The following IGDCC4 variants were observed in gnomAD, a reference collection of about 807,000 sequenced individuals.
IGDCC4 encodes the protein likely ortholog of mouse neighbor of Punc E11.
IGDCC4 carries 72 observed loss-of-function variants against 116.6 expected under a neutral mutation model. The observed-to-expected ratio is 0.62, with a 90% CI of 0.51 to 0.75. IGDCC4 has a LOEUF of 0.75. IGDCC4 is among the 30% of genes least tolerant of loss of function. The pLI is 0.00. For synonymous variants in IGDCC4, 709 were observed against 719.9 expected, an observed-to-expected ratio of 0.98 and a Z score of 0.24; for missense variants, 1,501 against 1,662.4, an observed-to-expected ratio of 0.90 and a Z score of 1.69.
Position 65,384,748 on chromosome 15 carries a change from C to T in IGDCC4, c.3342+206G>A, listed in dbSNP as rs1018202432. The stretch of plus-strand genomic sequence containing the variant: ...CACTTAGGTCTGGGTAGAGGAGGGG[C>T]TGTTTTCAACCCAGGTTGAAACAGG... On this transcript the variant is annotated intron_variant, in intron 19 of 19. Transcript: ENST00000352385. This position sits in a 1 kb window ranked among gnomAD's most constrained non-coding sequence, Gnocchi z 4.9. The T allele has an allele frequency of 6.3e-6, 4 of 633,008 alleles. No individual in the cohort carries two copies. Among genetic ancestry groups the T allele is most frequent in the Admixed American group, 3.5e-5 (1 of 28,958 alleles). The allele number at this position is 633,008 out of a possible 1,614,324, so 39.2% of individuals were successfully genotyped here.
At chr15:65,396,268 T>G (rs2140208156) in intron 6 of IGDCC4, 105 bp from the exon 7 acceptor site, 1 of 1,011,678 alleles carries the variant, frequency 9.9e-7, no homozygotes. Flanking sequence ...CTCGCTCCCC[T>G]TCCAATCACT....
chr15:65,406,665 T>C (rs1285904594), intron 3 of IGDCC4, among the ~76,000 whole-genome samples: 1 of 152,228 alleles, frequency 6.6e-6, no homozygotes, highest in Non-Finnish European at 1.5e-5. Flanking sequence ...TAAAAATACA[T>C]ACCTTGGGCA....
At chr15:65,385,321 G>A (rs1306404375) in intron 18 of IGDCC4, 2 of 591,336 alleles carry the variant, frequency 3.4e-6, no homozygotes, top group Non-Finnish European at 5.8e-6. Context: ...CTCCTGCAGA[G>A]GAGCGGAACA....
intron 1 of IGDCC4, among the ~76,000 whole-genome samples, chr15:65,419,100 T>G (rs2063168195): frequency 6.6e-6 from 1 of 151,968 alleles, no homozygotes; most frequent in Admixed American, 6.6e-5. Flanking sequence ...TTGCCCAGGG[T>G]GGAGAACAGT....
At position 65,388,444 on chromosome 15, in the gene IGDCC4, C is replaced by T. The variant is rs1330274166; in HGVS notation, c.2845+5G>A. On this transcript the variant is annotated splice_donor_5th_base_variant and intron_variant, in intron 16 of 19. Coordinates refer to ENST00000352385, the MANE Select transcript of IGDCC4 (RefSeq NM_020962.3). ...AGGGAAACCTGGGCTGCCCTGTGCT[C>T]ATACCTGACAGCTTCTCCTGGAGCG... The T allele has an allele frequency of 1.2e-6, 2 of 1,614,104 alleles. No individual in the cohort carries two copies. The highest frequency in any genetic ancestry group is 1.7e-5 in the Admixed American group (1 of 60,026).
intron 1 of IGDCC4, among the ~76,000 whole-genome samples, chr15:65,413,325 C>A (rs2063115502): frequency 6.6e-6 from 1 of 152,072 alleles, no homozygotes; most frequent in Non-Finnish European, 1.5e-5. Flanking sequence ...CTCAACACTC[C>A]CTGCAGCTAA....
chr15:65,403,746 G>A (rs547426660), intron 3 of IGDCC4, among the ~76,000 whole-genome samples: 88 of 152,292 alleles, frequency 5.8e-4, no homozygotes, highest in Middle Eastern at 3.4e-3. Context: ...CAGCCAACAC[G>A]TATGTTACTT....
Position 65,392,146 on chromosome 15 carries a change from G to C in IGDCC4, c.2110C>G (p.Leu704Val), listed in dbSNP as rs572310163. 1.2e-5 allele frequency: 19 copies of C among 1,608,344 alleles called. No individual in the cohort carries two copies. In the African/African-American group the frequency reaches 2.3e-4, roughly 19 times the overall value. Residue 704 changes from leucine to valine, a missense_variant, in exon 11 of 20, where the codon CTG becomes GTG. Leu to Val is a conservative substitution (Grantham distance 32). Transcript: ENST00000352385. The part of the protein sequence containing the change: ...RLKKKVKQYE[L>V]TQLVPGRLYE... Reference sequence around the variant, plus strand: ...CAGCCCTCCTCACCTAGCTGGGTCAGCTCATACTGCTTCACTTTCTTCTTG... The same window carrying C: ...CAGCCCTCCTCACCTAGCTGGGTCACCTCATACTGCTTCACTTTCTTCTTG...
intron 14 of IGDCC4, 125 bp downstream of exon 14, chr15:65,389,159 C>A: frequency 1.5e-6 from 2 of 1,373,908 alleles, no homozygotes; most frequent in East Asian, 2.4e-5. Flanking sequence ...TTCCTCCCCT[C>A]CCAGAAACTC....
rs575400979 is a variant in IGDCC4 at position 65,417,859 on chromosome 15, G to T, written c.70+4934C>A. On this transcript the variant is annotated intron_variant, in intron 1 of 19. Coordinates refer to ENST00000352385, the MANE Select transcript of IGDCC4 (RefSeq NM_020962.3). Reference sequence around the variant, plus strand: ...GATCCGCCCACCTTGGCCTCCCAAAGTGCTGGGATTACAGGAGTGAGCCAC... The same window carrying T: ...GATCCGCCCACCTTGGCCTCCCAAATTGCTGGGATTACAGGAGTGAGCCAC... Among the ~76,000 whole-genome samples, 321 of 152,272 alleles carry T rather than the reference G, an allele frequency of 2.1e-3. 1 individual carries two copies. The highest frequency in any genetic ancestry group is 3.9e-3 in the Non-Finnish European group (262 of 68,008).
In IGDCC4 at chr15:65,411,460, C is replaced by T. The variant is rs1017871381; in HGVS notation, c.71-90G>A. 22 of 1,125,842 alleles carry T rather than the reference C, an allele frequency of 2.0e-5. No homozygotes were observed. The African/African-American group carries it at 3.0e-4, about 15-fold the overall frequency. 69.7% of individuals were successfully genotyped at this position (1,125,842 alleles called of 1,614,324 possible). ...TGAGTCACCCATGCAGGGGCTGGGG[C>T]AAATCAAGGAGAAACACCTGCATCT... On this transcript the variant is annotated intron_variant, in intron 1 of 19. Transcript: ENST00000352385.
At position 65,410,290 on chromosome 15, in the gene IGDCC4, A is replaced by T; in HGVS notation, c.451T>A (p.Ser151Thr). The T allele has an allele frequency of 6.2e-7, 1 of 1,613,944 alleles. No individual in the cohort carries two copies. Among genetic ancestry groups the T allele is most frequent in the Non-Finnish European group, 8.5e-7 (1 of 1,180,012 alleles). The change falls in exon 3 of 20, where the codon TCT becomes ACT. Residue 151 changes from serine (S) to threonine (T), a missense_variant. By Grantham distance (58) the Ser-to-Thr change is moderately conservative. Transcript: ENST00000352385. ...GTCCCGTTCTCCTCCACCGTCTGAG[A>T]CTCCGGGTGCAGAGAGAAGTCTGCG... The part of the protein sequence containing the change: ...TLADFSLHPE[S>T]QTVEENGTAR...
chr15:65,405,999 G>A (rs2063038111), intron 3 of IGDCC4, among the ~76,000 whole-genome samples: 1 of 152,130 alleles, frequency 6.6e-6, no homozygotes, highest in Admixed American at 6.5e-5. Flanking sequence ...ATCCACCCAG[G>A]GCAAGGGGAT....
intron 1 of IGDCC4, among the ~76,000 whole-genome samples, chr15:65,416,991 G>A (rs1282251945): frequency 6.6e-6 from 1 of 151,926 alleles, no homozygotes; most frequent in Non-Finnish European, 1.5e-5. Flanking sequence ...CTTAGGGAAG[G>A]GGCGTGTAGC....
chr15:65,397,674 A>C (rs1040186244), intron 5 of IGDCC4, among the ~76,000 whole-genome samples: 14 of 152,128 alleles, frequency 9.2e-5, no homozygotes, highest in Non-Finnish European at 1.5e-4. Context: ...TATAAAAAAA[A>C]AAAAAAAAAG....
rs1284148650 is a variant in IGDCC4 at position 65,388,893 on chromosome 15, G to A, written c.2622C>T (p.Pro874=). The A allele has an allele frequency of 1.2e-6, 2 of 1,613,840 alleles. No individual in the cohort carries two copies. Among genetic ancestry groups the A allele is most frequent in the Non-Finnish European group, 1.7e-6 (2 of 1,180,008 alleles). The change falls in exon 15 of 20, where the codon CCC becomes CCT. Residue 874 remains proline (P), a synonymous_variant. Transcript: ENST00000352385. ...TCAGATACTCCACGATCTCCCCGTT[G>A]GGCTCTGTGGGGGGGCACCAGTGCA... The part of the protein sequence containing the change: ...VRLHWCPPTE[P]NGEIVEYLIL...
intron 1 of IGDCC4, among the ~76,000 whole-genome samples, chr15:65,416,338 C>T (rs1031574539): frequency 6.6e-6 from 1 of 151,870 alleles, no homozygotes; most frequent in Admixed American, 6.6e-5. Flanking sequence ...GGGGTTTCAC[C>T]GTGTTAGCCA....
In IGDCC4 at chr15:65,386,634, G is replaced by A; in HGVS notation, c.2868C>T (p.Val956=). The change falls in exon 17 of 20, where the codon GTC becomes GTT. Residue 956 remains valine, a synonymous_variant. Coordinates refer to ENST00000352385, the MANE Select transcript of IGDCC4 (RefSeq NM_020962.3). ...KLSDSLDMHS[V]TGIIVGVCLG... Reference sequence around the variant, plus strand: ...GGCAGACACCCACGATGATGCCCGTGACTGAGTGCATGTCCAGCGAGTCTG... The same window carrying A: ...GGCAGACACCCACGATGATGCCCGTAACTGAGTGCATGTCCAGCGAGTCTG... The A allele has an allele frequency of 6.2e-7, 1 of 1,612,318 alleles. No homozygotes were observed. Among genetic ancestry groups the A allele is most frequent in the East Asian group, 2.2e-5 (1 of 44,864 alleles).
chr15:65,398,653 CGGATCACGAGGTT>C (rs1459039902), intron 5 of IGDCC4, among the ~76,000 whole-genome samples: 5 of 151,172 alleles, frequency 3.3e-5, no homozygotes, highest in African/African-American at 7.3e-5. Flanking sequence ...CCAAGGTGGG[CGGATCACGAGGTT>C]GGATCACGAG....
Sources: gnomAD v4.1 joint callset for allele counts (sites outside exome capture counted in the v4.1 genomes callset) on GRCh38, gnomAD v4.1.1 for gene constraint, Gnocchi (gnomAD v3.1) non-coding constraint, MANE v1.5 for transcripts, NCBI Gene and HGNC (gene_info 2026-07-23, HGNC 2026-07-21) for gene names.